Variants in SPON2 observed in about 807,000 individuals in gnomAD.
The protein encoded by SPON2 is spondin-2.
In SPON2, 32 loss-of-function variants were observed where a neutral mutation model predicts 29.9. The ratio of observed to expected loss-of-function variants is 1.07; its 90% CI spans 0.81 to 1.44. The LOEUF is 1.44. Ranked by LOEUF, SPON2 falls within the 40% of genes most tolerant of loss-of-function variation. SPON2 has a pLI of 0.00. For missense variants in SPON2, 541 were observed against 455.5 expected, an observed-to-expected ratio of 1.19 and a Z score of -1.71; for synonymous variants, 248 against 209.1, an observed-to-expected ratio of 1.19 and a Z score of -1.61.
chr4:1,183,255 A>AAAC (rs397992101), intron 1 of SPON2, among the ~76,000 whole-genome samples: 1 of 150,330 alleles, frequency 6.7e-6, no homozygotes, highest in Non-Finnish European at 1.5e-5. Flanking sequence ...AAAAAAAAAA[A>AAAC]CAAAAAAGAA....
At chr4:1,167,807 A>T in intron 5 of SPON2, 151 bp from the exon 6 acceptor site, 3 of 759,946 alleles carry the variant, frequency 3.9e-6, no homozygotes, top group Non-Finnish European at 6.0e-6. Flanking sequence ...TCGCAGAGTG[A>T]GCGGCAAGAT....
chr4:1,207,270 G>A (rs1007049220), intron 1 of SPON2, among the ~76,000 whole-genome samples: 4 of 152,144 alleles, frequency 2.6e-5, no homozygotes, highest in African/African-American at 4.8e-5. Context: ...GGCTGGGAGG[G>A]ATGTGGGTGA....
At chr4:1,170,709 ACTC>A (rs1727402388) in intron 4 of SPON2, 133 bp from the exon 5 acceptor site, 4 of 1,170,254 alleles carry the variant, frequency 3.4e-6, no homozygotes, top group African/African-American at 1.5e-5. Flanking sequence ...GGTCCCATGT[ACTC>A]CTCTCAGCCA....
intron 1 of SPON2, chr4:1,200,193 G>C (rs1035172510): frequency 6.6e-6 from 1 of 152,518 alleles, no homozygotes; most frequent in Admixed American, 6.5e-5. Flanking sequence ...GGGCTGCTGT[G>C]AGTTAAGGGG....
At chr4:1,170,201 C>T in intron 5 of SPON2, 1 of 615,126 alleles carries the variant, frequency 1.6e-6, no homozygotes, top group Non-Finnish European at 2.8e-6. Context: ...CTGTAAGATG[C>T]TTTCAACTGC....
Position 1,170,392 on chromosome 4 carries a change from T to G in SPON2, c.811+10A>C, listed in dbSNP as rs201217075. The G allele has an allele frequency of 2.5e-4, 405 of 1,610,650 alleles. No homozygotes were observed. The Middle Eastern group carries it at 3.5e-3, about 14-fold the overall frequency. On this transcript the variant is annotated intron_variant, in intron 5 of 5. Transcript: ENST00000290902. ...TGCTGTGTGTCCCATGTGACCTGTA[T>G]GTCCGTTACCTGAGGCGCTGTCTAC...
intron 1 of SPON2, among the ~76,000 whole-genome samples, chr4:1,181,246 T>C (rs1462804806): frequency 1.3e-5 from 2 of 151,582 alleles, no homozygotes; most frequent in East Asian, 1.9e-4. Flanking sequence ...ATTAAACACA[T>C]TGGAAAAAAA....
At position 1,171,308 on chromosome 4, in the gene SPON2, G is replaced by C. The variant is rs1250731716; in HGVS notation, c.399C>G (p.Thr133=). ...VFSAPAVPSG[T]GQTSAELEVQ... ...CCTCCAGCTCCGCCGACGTCTGCCC[G>C]GTGCCGCTGGGGACGGCGGGCGCCG... is the stretch of plus-strand genomic sequence containing the variant. Residue 133 remains threonine (T), a synonymous_variant, in exon 3 of 6, where the codon ACC becomes ACG. Transcript: ENST00000290902. 6.3e-6 allele frequency: 10 copies of C among 1,596,280 alleles called. No homozygotes were observed. The highest frequency in any genetic ancestry group is 8.5e-6 in the Non-Finnish European group (10 of 1,176,004).
In SPON2 at chr4:1,171,280, G is replaced by A. The variant is rs1421298967; in HGVS notation, c.427C>T (p.Gln143Ter). The change falls in exon 3 of 6, where the codon CAG becomes TAG. Residue 143 changes from glutamine to a stop codon, truncating the protein, a stop_gained. Coordinates refer to ENST00000290902, the MANE Select transcript of SPON2 (RefSeq NM_012445.4). LOFTEE classifies it high-confidence loss of function. ...GCGCTCACCAGCGAGTGCCTGCGCT[G>A]CACCTCCAGCTCCGCCGACGTCTGC... ...TGQTSAELEV[Q>*]RRHSLVSFVV... 9 of 1,551,906 alleles carry A rather than the reference G, an allele frequency of 5.8e-6. No individual in the cohort carries two copies. Among genetic ancestry groups the A allele is most frequent in the African/African-American group, 1.4e-5 (1 of 71,496 alleles).
At chr4:1,177,346 T>C (rs1727624250), upstream of SPON2, among the ~76,000 whole-genome samples, 1 of 152,230 alleles carries the variant, frequency 6.6e-6, no homozygotes, top group Non-Finnish European at 1.5e-5. Flanking sequence ...CCCAGGGTGT[T>C]GGCAATGTTT....
chr4:1,192,013 C>G (rs1478804989), intron 1 of SPON2, among the ~76,000 whole-genome samples: 1 of 152,250 alleles, frequency 6.6e-6, no homozygotes, highest in Non-Finnish European at 1.5e-5. Context: ...GACTCAGCCC[C>G]ATGAGGATGT....
upstream of SPON2, among the ~76,000 whole-genome samples, chr4:1,197,539 C>G (rs2037947674): frequency 6.6e-6 from 1 of 152,092 alleles, no homozygotes. Context: ...CAGCACAGCT[C>G]TTATTTTTTA....
chr4:1,194,666 T>C (rs2108671923), intron 1 of SPON2, among the ~76,000 whole-genome samples: 1 of 152,232 alleles, frequency 6.6e-6, no homozygotes, highest in South Asian at 2.1e-4. Context: ...AAGTCTGAGC[T>C]GGCCCCGCTG....
At chr4:1,192,442 C>T (rs1004177373) in intron 1 of SPON2, among the ~76,000 whole-genome samples, 4 of 152,244 alleles carry the variant, frequency 2.6e-5, no homozygotes, top group African/African-American at 9.6e-5. Flanking sequence ...CTCTCAATCT[C>T]TTGACACGAT....
intron 5 of SPON2, chr4:1,167,905 TGTG>T: frequency 2.3e-6 from 1 of 431,496 alleles, no homozygotes; most frequent in East Asian, 3.6e-5. Flanking sequence ...CTCAAGTCCC[TGTG>T]GTGGTGGAAC....
In SPON2 at chr4:1,201,874, C is replaced by T. The variant is rs537487595; in HGVS notation, c.-234+6006G>A. 1.2e-3 allele frequency among the ~76,000 whole-genome samples: 188 copies of T among 152,336 alleles called. 1 individual carries two copies. In the Middle Eastern group the frequency reaches 0.014, roughly 11 times the overall value. ...CTGGGATTACAGGCGTGAGCCACCT[C>T]GCCCAGCCGGTGCTGCCTTCTTGAG... On this transcript the variant is annotated intron_variant, in intron 1 of 3. Transcript: ENST00000509233.
chr4:1,178,165 C>T (rs2153078105), upstream of SPON2, among the ~76,000 whole-genome samples: 3 of 148,442 alleles, frequency 2.0e-5, 1 homozygote, highest in South Asian at 6.7e-4. Flanking sequence ...TCCCTCCGGC[C>T]AGGCACCACG....
intron 5 of SPON2, among the ~76,000 whole-genome samples, chr4:1,168,889 C>G (rs1283614853): frequency 6.6e-6 from 1 of 152,180 alleles, no homozygotes; most frequent in Non-Finnish European, 1.5e-5. Flanking sequence ...TCCTGGGTGC[C>G]AGCCGCCACA....
At chr4:1,205,819 C>G (rs1264211959) in intron 1 of SPON2, among the ~76,000 whole-genome samples, 1 of 152,218 alleles carries the variant, frequency 6.6e-6, no homozygotes, top group Non-Finnish European at 1.5e-5. Flanking sequence ...CTGTGCAGGC[C>G]CTCGGCTGAC....
Sources: gnomAD v4.1 joint callset for allele counts (sites outside exome capture counted in the v4.1 genomes callset) on GRCh38, gnomAD v4.1.1 for gene constraint, MANE v1.5 for transcripts, NCBI Gene and HGNC (gene_info 2026-07-23, HGNC 2026-07-21) for gene names.